Variants in DOCK1 observed in about 807,000 individuals in gnomAD.
DOCK1 encodes dedicator of cytokinesis protein 1.
In DOCK1, 138 loss-of-function variants were observed where a neutral mutation model predicts 262.7. The ratio of observed to expected loss-of-function variants is 0.53; its 90% CI spans 0.46 to 0.61. The LOEUF (loss-of-function observed/expected upper bound fraction) is 0.61. Ranked by LOEUF, DOCK1 falls within the 20% of genes least tolerant of loss-of-function variation. DOCK1 has a pLI of 0.00. For synonymous variants in DOCK1, 866 were observed against 867.4 expected (o/e 1.00, Z 0.03); for missense variants, 1,908 against 2,370.7 (o/e 0.80, Z 4.05).
At chr10:127,228,697 AC>A (rs764862702) in intron 27 of DOCK1, among the ~76,000 whole-genome samples, 24 of 152,296 alleles carry the variant, frequency 1.6e-4, no homozygotes, top group South Asian at 4.1e-4. Context: ...TTTCTGTCAA[AC>A]GCAAAGCCAT....
At chr10:127,416,463 G>A (rs60881990) in intron 44 of DOCK1, among the ~76,000 whole-genome samples, 28,398 of 152,184 alleles carry the variant, frequency 0.19, 2,797 homozygotes, top group African/African-American at 0.23. Flanking sequence ...AACAGCTGCC[G>A]GATGCAGGAG....
chr10:127,188,649 AC>A (rs2056490005), intron 27 of DOCK1, among the ~76,000 whole-genome samples: 1 of 152,174 alleles, frequency 6.6e-6, no homozygotes, highest in South Asian at 2.1e-4. Flanking sequence ...CTTTGAGACC[AC>A]CTGCTTGGAT....
chr10:127,271,293 A>G (rs542285204), intron 29 of DOCK1, among the ~76,000 whole-genome samples: 11 of 152,224 alleles, frequency 7.2e-5, no homozygotes, highest in Non-Finnish European at 1.5e-4. Flanking sequence ...TTTAAAAAAT[A>G]AAATTATCTT....
intron 1 of DOCK1, among the ~76,000 whole-genome samples, chr10:126,962,468 A>AAT (rs1554962635): frequency 6.6e-6 from 1 of 150,778 alleles, no homozygotes; most frequent in Non-Finnish European, 1.5e-5. Context: ...CAGTTTTGGC[A>AAT]TTTTTTTTAG....
At chr10:127,362,020 T>C (rs756813980) in intron 32 of DOCK1, 44 bp from the exon 33 acceptor site, 1 of 1,544,678 alleles carries the variant, frequency 6.5e-7, no homozygotes, top group East Asian at 2.3e-5. Flanking sequence ...ATTTTAGAAT[T>C]CTATTTTTCT....
chr10:127,090,388 G>A (rs2047446873), intron 23 of DOCK1, among the ~76,000 whole-genome samples: 2 of 152,064 alleles, frequency 1.3e-5, no homozygotes, highest in African/African-American at 4.8e-5. Flanking sequence ...AGTGACAGAC[G>A]GTGACTTGCT....
At chr10:127,325,140 C>T (rs751965876) in intron 29 of DOCK1, among the ~76,000 whole-genome samples, 1 of 145,924 alleles carries the variant, frequency 6.9e-6, no homozygotes, top group Non-Finnish European at 1.5e-5. Flanking sequence ...TAAGAAAACA[C>T]GAAGCTCACA....
intron 25 of DOCK1, among the ~76,000 whole-genome samples, chr10:127,112,277 G>A (rs1458620034): frequency 3.3e-5 from 5 of 152,156 alleles, no homozygotes; most frequent in Non-Finnish European, 1.5e-5. Context: ...CTCCCAGAGT[G>A]CTGGGATTAC....
intron 25 of DOCK1, among the ~76,000 whole-genome samples, chr10:127,115,953 G>C (rs533092984): frequency 1.3e-5 from 2 of 152,330 alleles, no homozygotes; most frequent in Non-Finnish European, 2.9e-5. Context: ...GGAGCTTACT[G>C]TGTACTTATC....
intron 30 of DOCK1, among the ~76,000 whole-genome samples, chr10:127,341,781 A>C (rs1004557713): frequency 2.5e-4 from 38 of 152,294 alleles, no homozygotes; most frequent in Admixed American, 2.1e-3. Context: ...GCCCACATCG[A>C]GCGTCGCCCC....
chr10:126,920,469 C>G (rs185830924), intron 1 of DOCK1, among the ~76,000 whole-genome samples: 234 of 152,290 alleles, frequency 1.5e-3, no homozygotes, highest in African/African-American at 5.4e-3. Flanking sequence ...CCAGAGCTTT[C>G]GGGTCTTGAT....
At chr10:127,137,851 G>T in intron 27 of DOCK1, 1 of 1,613,796 alleles carries the variant, frequency 6.2e-7, no homozygotes, top group Non-Finnish European at 8.5e-7. Context: ...AGGAACCAGA[G>T]TTTCCATCTT....
chr10:127,236,239 T>G (rs2059045601), intron 27 of DOCK1, among the ~76,000 whole-genome samples: 1 of 152,162 alleles, frequency 6.6e-6, no homozygotes, highest in Admixed American at 6.5e-5. Flanking sequence ...AGTTTTGTTG[T>G]TTTAAGTTTT....
At chr10:127,217,173 G>C (rs938712992) in intron 27 of DOCK1, among the ~76,000 whole-genome samples, 5 of 152,140 alleles carry the variant, frequency 3.3e-5, no homozygotes, top group African/African-American at 1.2e-4. Flanking sequence ...TGTGCTAATG[G>C]GACTCTTGCA....
At chr10:127,342,411 G>A (rs893928134) in intron 30 of DOCK1, among the ~76,000 whole-genome samples, 1 of 152,188 alleles carries the variant, frequency 6.6e-6, no homozygotes, top group Non-Finnish European at 1.5e-5. Context: ...CCCCCATTCT[G>A]CTTCATGTGT....
At chr10:127,339,732 T>TGTGTGTGTGTGTGTGTGTGTGTGC (rs1243468884) in intron 30 of DOCK1, among the ~76,000 whole-genome samples, 2 of 40,336 alleles carry the variant, frequency 5.0e-5, no homozygotes, top group Non-Finnish European at 1.4e-4. Flanking sequence ...TGTGTGTGTG[T>TGTGTGTGTGTGTGTGTGTGTGTGC]GTGCATGCTG....
intron 29 of DOCK1, among the ~76,000 whole-genome samples, chr10:127,286,983 C>A (rs2061178719): frequency 6.6e-6 from 1 of 150,798 alleles, no homozygotes; most frequent in African/African-American, 2.4e-5. Context: ...TCATGCCGTT[C>A]TCCTGCCTCA....
At chr10:127,062,607 C>A (rs867210426) in intron 23 of DOCK1, among the ~76,000 whole-genome samples, 2 of 152,176 alleles carry the variant, frequency 1.3e-5, no homozygotes, top group Non-Finnish European at 2.9e-5. Flanking sequence ...GGCCCCGGAG[C>A]CTCTTTTGTA....
At chr10:127,367,254 C>T (rs1287543542) in intron 33 of DOCK1, among the ~76,000 whole-genome samples, 1 of 152,172 alleles carries the variant, frequency 6.6e-6, no homozygotes, top group East Asian at 1.9e-4. Flanking sequence ...ACGTTCTTTC[C>T]CTTACACCTC....
Sources: gnomAD v4.1 joint callset for allele counts (sites outside exome capture counted in the v4.1 genomes callset) on GRCh38, gnomAD v4.1.1 for gene constraint, MANE v1.5 for transcripts, NCBI Gene and HGNC (gene_info 2026-07-23, HGNC 2026-07-21) for gene names.